LRRC8B: variants seen among roughly 807,000 people sequenced by gnomAD.
LRRC8B encodes leucine rich repeat containing 8 VRAC subunit B.
In LRRC8B, 23 loss-of-function variants were observed where a neutral mutation model predicts 58.8. The observed-to-expected ratio is 0.39, with a 90% CI of 0.28 to 0.55. The LOEUF is 0.55. Among genes scored for constraint, LRRC8B ranks in the 20% least tolerant of loss-of-function variants. The pLI is 0.62. For synonymous variants in LRRC8B, 359 were observed against 374.1 expected, an observed-to-expected ratio of 0.96 and a Z score of 0.47; for missense variants, 694 against 936.0, an observed-to-expected ratio of 0.74 and a Z score of 3.37.
chr1:89,546,122 A>G (rs1050748791), intron 1 of LRRC8B, among the ~76,000 whole-genome samples: 8 of 152,184 alleles, frequency 5.3e-5, no homozygotes, highest in African/African-American at 1.4e-4. Flanking sequence ...AGGTTAGGCT[A>G]GCCTATCAGA....
rs748578600 is a variant in LRRC8B, at chr1:89,583,987, G to A, written c.1337G>A (p.Ser446Asn). Reference protein sequence around the residue: ...VFELTEMEVLSLELIPEVKLP... With the variant: ...VFELTEMEVLNLELIPEVKLP... ...GAGTTAACTGAAATGGAAGTGCTAA[G>A]CCTGGAGCTTATCCCAGAGGTGAAG... The change falls in exon 5 of 6, where the codon AGC (serine) becomes AAC (asparagine). Residue 446 changes from serine to asparagine, a missense_variant. Physicochemically the swap from Ser to Asn is conservative, Grantham distance 46 (BLOSUM62 1). This residue lies in a region of LRRC8B where 162 missense variants were observed against 198.5 expected (regional missense o/e 0.82). Transcript: ENST00000330947. This position sits in a 1 kb window ranked among gnomAD's most constrained non-coding sequence, Gnocchi z 5.2. The A allele has an allele frequency of 1.2e-6, 2 of 1,614,226 alleles. No individual in the cohort carries two copies. The highest frequency in any genetic ancestry group is 1.7e-6 in the Non-Finnish European group (2 of 1,180,050).
chr1:89,548,626 T>A (rs953107005), intron 1 of LRRC8B, among the ~76,000 whole-genome samples: 2 of 152,166 alleles, frequency 1.3e-5, no homozygotes, highest in African/African-American at 4.8e-5. Context: ...CTCAGGTTTG[T>A]TTTGACCCCT....
chr1:89,588,656 AC>A (rs1200900310), intron 5 of LRRC8B, among the ~76,000 whole-genome samples: 1 of 152,216 alleles, frequency 6.6e-6, no homozygotes, highest in East Asian at 1.9e-4. Context: ...GTTAGCCTGA[AC>A]TGGTACCTTC....
chr1:89,586,847 C>T (rs1283281383), intron 5 of LRRC8B, among the ~76,000 whole-genome samples: 2 of 152,094 alleles, frequency 1.3e-5, no homozygotes, highest in Non-Finnish European at 2.9e-5. Flanking sequence ...AAGCACTGTT[C>T]AGAGACTATG....
chr1:89,528,975 T>C (rs1649905880), intron 1 of LRRC8B, among the ~76,000 whole-genome samples: 1 of 152,196 alleles, frequency 6.6e-6, no homozygotes, highest in Non-Finnish European at 1.5e-5. Context: ...ACTATCCTTA[T>C]TCCAGACAGT....
At chr1:89,529,829 C>T (rs1649980448) in intron 1 of LRRC8B, among the ~76,000 whole-genome samples, 1 of 152,142 alleles carries the variant, frequency 6.6e-6, no homozygotes, top group Non-Finnish European at 1.5e-5. Flanking sequence ...CTCTCAGAAG[C>T]TAAACCTTAC....
At chr1:89,533,207 TGCCTGGGTTTAATA>T (rs1650270047) in intron 1 of LRRC8B, among the ~76,000 whole-genome samples, 6 of 152,172 alleles carry the variant, frequency 3.9e-5, no homozygotes, top group Admixed American at 1.3e-4. Flanking sequence ...ATCCCATAAT[TGCCTGGGTTTAATA>T]ACCCTTTAAT....
intron 1 of LRRC8B, among the ~76,000 whole-genome samples, chr1:89,564,506 T>C (rs567099278): frequency 6.6e-6 from 1 of 152,204 alleles, no homozygotes; most frequent in Non-Finnish European, 1.5e-5. Flanking sequence ...TTGAGCAAGT[T>C]TGTTTCTCTG....
intron 1 of LRRC8B, among the ~76,000 whole-genome samples, chr1:89,540,261 A>T (rs1267073126): frequency 6.6e-6 from 1 of 152,216 alleles, no homozygotes. Flanking sequence ...CATGAATCAA[A>T]TATTTGGAGC....
chr1:89,545,752 A>T (rs890895720), intron 1 of LRRC8B, among the ~76,000 whole-genome samples: 1 of 152,220 alleles, frequency 6.6e-6, no homozygotes, highest in Non-Finnish European at 1.5e-5. Context: ...CAACAATAAG[A>T]CAGATGTCCC....
intron 1 of LRRC8B, among the ~76,000 whole-genome samples, chr1:89,551,714 C>G (rs6700967): frequency 0.51 from 77,662 of 151,922 alleles, 20,118 homozygotes; most frequent in South Asian, 0.58. Context: ...AAAAGAGGGT[C>G]CCCAAAGAAA....
At position 89,583,317 on chromosome 1, in the gene LRRC8B, TC is replaced by T; in HGVS notation, c.669del (p.Ser224ValfsTer18). On this transcript the variant is annotated frameshift_variant, in exon 5 of 6. Transcript: ENST00000330947. LOFTEE classifies it high-confidence loss of function. This position sits in a 1 kb window ranked among gnomAD's most constrained non-coding sequence, Gnocchi z 5.2. The stretch of plus-strand genomic sequence containing the variant: ...GTCAGCTGGCATAGAAAGCCCAACT[TC>T]CAGTGTCCTGGACAAGAAGGAGGGT... Reference protein sequence around the residue: ...LESAGIESPTSSVLDKKEGEQ... With the variant: ...LESAGIESPTXSVLDKKEGEQ... 1 of 1,614,110 alleles carries T rather than the reference TC, an allele frequency of 6.2e-7. No individual in the cohort carries two copies. Among genetic ancestry groups the T allele is most frequent in the Non-Finnish European group, 8.5e-7 (1 of 1,180,006 alleles).
intron 1 of LRRC8B, among the ~76,000 whole-genome samples, chr1:89,548,969 T>C (rs987958115): frequency 1.3e-5 from 2 of 152,076 alleles, no homozygotes; most frequent in African/African-American, 4.8e-5. Flanking sequence ...GTGTGATTGC[T>C]AAGAAAAAAG....
Position 89,583,283 on chromosome 1 carries a change from A to G in LRRC8B, c.633A>G (p.Pro211=), listed in dbSNP as rs1230518410. 3 of 1,614,100 alleles carry G rather than the reference A, an allele frequency of 1.9e-6. No individual in the cohort carries two copies. Among genetic ancestry groups the G allele is most frequent in the Non-Finnish European group, 2.5e-6 (3 of 1,180,040 alleles). ...SGKQSLPYPQ[P]GLESAGIESP... ...AACAGTCATTGCCCTACCCACAGCCAGGTTTGGAGTCAGCTGGCATAGAAA... is the reference window on the plus strand; with the variant it reads ...AACAGTCATTGCCCTACCCACAGCCGGGTTTGGAGTCAGCTGGCATAGAAA... The change falls in exon 5 of 6, where the codon CCA becomes CCG. Residue 211 remains proline (P), a synonymous_variant. Transcript: ENST00000330947. The surrounding 1 kb of genome is among the most constrained non-coding windows in gnomAD (Gnocchi z 5.2).
intron 1 of LRRC8B, among the ~76,000 whole-genome samples, chr1:89,538,327 A>G (rs1249344850): frequency 6.6e-6 from 1 of 152,242 alleles, no homozygotes; most frequent in African/African-American, 2.4e-5. Flanking sequence ...CTTTCCTTAT[A>G]GATGAAATTT....
chr1:89,551,183 C>T (rs924112107), intron 1 of LRRC8B, among the ~76,000 whole-genome samples: 18 of 152,086 alleles, frequency 1.2e-4, no homozygotes, highest in African/African-American at 1.2e-4. Flanking sequence ...ATATCCCTAA[C>T]GGCTCAGAGA....
rs1655059517 is a variant in LRRC8B at position 89,592,694 on chromosome 1, T to C, written c.2140-77T>C. 2.4e-6 allele frequency: 3 copies of C among 1,275,744 alleles called. No individual in the cohort carries two copies. The South Asian group carries it at 4.1e-5, about 17-fold the overall frequency. 79.0% of individuals were successfully genotyped at this position (1,275,744 alleles called of 1,614,324 possible). A position where few individuals can be genotyped will look rare whatever the true frequency, so the allele number is the denominator to read the frequency against. On this transcript the variant is annotated intron_variant, in intron 5 of 5. Coordinates refer to ENST00000330947, the MANE Select transcript of LRRC8B (RefSeq NM_001369817.2). The stretch of plus-strand genomic sequence containing the variant: ...TCCAGAAATGTTTTGTTTTTTTTTT[T>C]TTGGAAAAAAGGTAAATGTCTTATC...
chr1:89,592,871 T>G lies in LRRC8B; in HGVS notation c.2240T>G (p.Leu747Arg). 1.2e-6 allele frequency: 2 copies of G among 1,614,158 alleles called. No individual in the cohort carries two copies. The highest frequency in any genetic ancestry group is 1.3e-5 in the African/African-American group (1 of 75,042). The change falls in exon 6 of 6, where the codon CTG (leucine) becomes CGG (arginine). Residue 747 changes from leucine to arginine, a missense_variant. This residue lies in a region of LRRC8B where 139 missense variants were observed against 158.2 expected (regional missense o/e 0.88). Coordinates refer to ENST00000330947, the MANE Select transcript of LRRC8B (RefSeq NM_001369817.2). ...AATTTGTCCCCTCATGTGGGTGAGC[T>G]GTCAAACCTTACTCATCTGGAGCTC... is the stretch of plus-strand genomic sequence containing the variant. ...LMNLSPHVGE[L>R]SNLTHLELIG... is the part of the protein sequence containing the mutation.
At chr1:89,543,214 G>A (rs1651147254) in intron 1 of LRRC8B, among the ~76,000 whole-genome samples, 1 of 152,048 alleles carries the variant, frequency 6.6e-6, no homozygotes, top group Non-Finnish European at 1.5e-5. Context: ...GAAAACTATG[G>A]CCCTTCACAT....
Sources: gnomAD v4.1 joint callset for allele counts (sites outside exome capture counted in the v4.1 genomes callset) on GRCh38, gnomAD v4.1.1 for gene constraint, gnomAD v4.1.1 regional missense constraint, Gnocchi (gnomAD v3.1) non-coding constraint, MANE v1.5 for transcripts, NCBI Gene and HGNC (gene_info 2026-07-23, HGNC 2026-07-21) for gene names.